HCFC1: variants seen among roughly 807,000 people sequenced by gnomAD.
HCFC1 encodes host cell factor 1.
In HCFC1, 7 loss-of-function variants were observed where a neutral mutation model predicts 105.5. That is an observed-to-expected ratio of 0.07 (90% confidence interval 0.04 to 0.12). The LOEUF is 0.12. HCFC1 is among the 10% of genes least tolerant of loss of function. HCFC1 has a pLI of 1.00. For missense variants in HCFC1, 1,065 were observed against 1,823.6 expected (o/e 0.58, Z 7.58); for synonymous variants, 918 against 828.1 (o/e 1.11, Z -1.86).
At chrX:153,963,589 GC>G (rs782059948) in intron 3 of HCFC1, among the ~76,000 whole-genome samples, 156 bp from the exon 4 acceptor site, 5 of 112,258 alleles carry the variant, frequency 4.5e-5, no homozygotes, top group Non-Finnish European at 9.4e-5. Context: ...GGAAGGGGCT[GC>G]CAGAAGCTCC....
chrX:153,956,866 G>A, intron 14 of HCFC1, 52 bp downstream of exon 14: 1 of 1,205,127 alleles, frequency 8.3e-7, no homozygotes, highest in Non-Finnish European at 1.1e-6. Context: ...GTGGCGTGCT[G>A]GGGTGGACTG....
rs3027881 is a variant in HCFC1 at position 153,953,975 on chromosome X, G to A, written c.4333+91C>T. Reference sequence around the variant, plus strand: ...TGGGTGCCAAGGAGCCTGACTGGTGGACTCTGGACGGACCCCCGCCATCGT... The same window carrying A: ...TGGGTGCCAAGGAGCCTGACTGGTGAACTCTGGACGGACCCCCGCCATCGT... On this transcript the variant is annotated intron_variant, in intron 17 of 25. Transcript: ENST00000310441. The A allele has an allele frequency of 0.069, 71,074 of 1,033,074 alleles. 1,979 individuals are homozygous for A. Among genetic ancestry groups the A allele is most frequent in the Middle Eastern group, 0.11 (294 of 2,609 alleles). 85.1% of individuals were successfully genotyped at this position (1,033,074 alleles called of 1,213,427 possible).
rs2065343687 is a variant in HCFC1, at chrX:153,954,106, G to A, written c.4293C>T (p.His1431=). ...PCETHETGTT[H]TATTVTSNMS... ...TGTTGGAAGTGACAGTGGTGGCCGT[G>A]TGAGTGGTGCCCGTCTCGTGGGTCT... Residue 1431 remains histidine (H), a synonymous_variant, in exon 17 of 26, where the codon CAC becomes CAT. Transcript: ENST00000310441. 4.1e-6 allele frequency: 5 copies of A among 1,209,275 alleles called. No individual in the cohort carries two copies. The East Asian group carries it at 1.5e-4, about 36-fold the overall frequency.
intron 1 of HCFC1, among the ~76,000 whole-genome samples, chrX:153,970,315 T>C (rs1279018022): frequency 1.9e-5 from 2 of 107,923 alleles, no homozygotes; most frequent in Non-Finnish European, 1.9e-5. Context: ...GGCTTTCTTT[T>C]AACTAACGAA....
intron 6 of HCFC1, 151 bp downstream of exon 6, chrX:153,961,391 A>G (rs1487704110): frequency 5.3e-5 from 23 of 434,740 alleles, no homozygotes; most frequent in Non-Finnish European, 8.8e-5. Context: ...ACATTGCTTC[A>G]GAGAGCTCTG....
At position 153,951,893 on chromosome X, in the gene HCFC1, C is replaced by T. The variant is rs782289112; in HGVS notation, c.5208G>A (p.Leu1736=). 6 of 1,193,391 alleles carry T rather than the reference C, an allele frequency of 5.0e-6. No homozygotes were observed. Among genetic ancestry groups the T allele is most frequent in the Non-Finnish European group, 6.8e-6 (6 of 884,929 alleles). ...CCACAGTGCTGGGGACCGTGCCGGCCAGCTCATTGAGGCAATTGCTCTCAA... is the reference window on the plus strand; with the variant it reads ...CCACAGTGCTGGGGACCGTGCCGGCTAGCTCATTGAGGCAATTGCTCTCAA... ...PAIESNCLNE[L]AGTVPSTVAL... is the part of the protein sequence containing the mutation. The change falls in exon 20 of 26, where the codon CTG becomes CTA. Residue 1736 remains leucine, a synonymous_variant. Transcript: ENST00000310441.
rs782195901 is a variant in HCFC1, at chrX:153,952,770, G to A, written c.4686C>T (p.Ala1562=). The part of the protein sequence containing the change: ...TGEPSSGQES[A]GSAVVATVVV... ...CCACAGTGGCCACCACCGCAGAGCC[G>A]GCAGACTCCTGGCCCGAAGATGGCT... The change falls in exon 19 of 26, where the codon GCC becomes GCT. Residue 1562 remains alanine, a synonymous_variant. Coordinates refer to ENST00000310441, the MANE Select transcript of HCFC1 (RefSeq NM_005334.3). 46 of 1,207,413 alleles carry A rather than the reference G, an allele frequency of 3.8e-5. No individual in the cohort carries two copies. The East Asian group carries it at 9.2e-4, about 24-fold the overall frequency.
chrX:153,956,082 A>C (rs1409791948), intron 16 of HCFC1, 109 bp downstream of exon 16: 1 of 718,437 alleles, frequency 1.4e-6, no homozygotes, highest in East Asian at 3.3e-5. Context: ...TGCACCCGGC[A>C]GCAGCGCAAC....
intron 24 of HCFC1, 129 bp downstream of exon 24, chrX:153,950,114 G>T: frequency 1.4e-6 from 1 of 709,041 alleles, no homozygotes; most frequent in African/African-American, 2.2e-5. Context: ...GTGGGGGGCT[G>T]TGTGCGCGCC....
At chrX:153,953,475 CT>C in intron 18 of HCFC1, 131 bp downstream of exon 18, 1 of 660,161 alleles carries the variant, frequency 1.5e-6, no homozygotes, top group Non-Finnish European at 2.3e-6. Context: ...CGAGGCTGCC[CT>C]TTTATGGTCC....
chrX:153,963,157 C>G (rs1285197781), intron 4 of HCFC1, 68 bp downstream of exon 4: 1 of 850,640 alleles, frequency 1.2e-6, no homozygotes, highest in Non-Finnish European at 1.7e-6. Context: ...ACAGCGCCAC[C>G]CACGGGGCCA....
chrX:153,953,517 G>A, intron 18 of HCFC1, 90 bp downstream of exon 18: 1 of 965,053 alleles, frequency 1.0e-6, no homozygotes. Context: ...CCCCATGCCT[G>A]GTACAAGAGC....
At chrX:153,965,526 G>A (rs1314307383) in intron 1 of HCFC1, among the ~76,000 whole-genome samples, 5 of 112,787 alleles carry the variant, frequency 4.4e-5, no homozygotes, top group Non-Finnish European at 9.4e-5. Context: ...GGGCTTCCCC[G>A]AAAACCTCCT....
intron 1 of HCFC1, 84 bp downstream of exon 1, chrX:153,970,564 G>C (rs2065521631): frequency 1.5e-6 from 1 of 659,649 alleles, no homozygotes. Context: ...GGAGGGAGCA[G>C]ATGGAGGGAG....
chrX:153,959,581 C>A, intron 8 of HCFC1, 90 bp from the exon 9 acceptor site: 1 of 1,085,200 alleles, frequency 9.2e-7, no homozygotes. Flanking sequence ...CTTCTGTTGG[C>A]CTGCTTGTGT....
At position 153,948,727 on chromosome X, in the gene HCFC1, T is replaced by TCTTTTTC. The variant is rs2065280023; in HGVS notation, c.*613_*619dup. 2 of 112,389 alleles carry TCTTTTTC rather than the reference T, an allele frequency of 1.8e-5. No homozygotes were observed. The highest frequency in any genetic ancestry group is 6.5e-5 in the African/African-American group (2 of 30,896). The allele number at this position is 112,389 out of a possible 1,213,427, so 9.3% of individuals were successfully genotyped here. The stretch of plus-strand genomic sequence containing the variant: ...GCCGCGGGGCTCCTTGCCCCTTTTT[T>TCTTTTTC]CTTTTTCCTTCTTTTCTTTTTTAAA... On this transcript the variant is annotated 3_prime_UTR_variant, in exon 26 of 26. Coordinates refer to ENST00000310441, the MANE Select transcript of HCFC1 (RefSeq NM_005334.3).
In HCFC1 at chrX:153,956,729, G is replaced by C; in HGVS notation, c.2531C>G (p.Thr844Ser). Residue 844 changes from threonine to serine, a missense_variant, in exon 15 of 26, where the codon ACC (threonine) becomes AGC (serine). By Grantham distance (58) the Thr-to-Ser change is moderately conservative. This residue lies in a region of HCFC1 where 137 missense variants were observed against 378.2 expected (regional missense o/e 0.36). Coordinates refer to ENST00000310441, the MANE Select transcript of HCFC1 (RefSeq NM_005334.3). Reference sequence around the variant, plus strand: ...CCCCATGGGCACAGTGCGGAGGATGGTGCCTGGCTGTCCCGGGGCCCCCTT... The same window carrying C: ...CCCCATGGGCACAGTGCGGAGGATGCTGCCTGGCTGTCCCGGGGCCCCCTT... Reference protein sequence around the residue: ...VLKGAPGQPGTILRTVPMGGV... With the variant: ...VLKGAPGQPGSILRTVPMGGV... The C allele has an allele frequency of 8.3e-7, 1 of 1,211,379 alleles. No homozygotes were observed. Among genetic ancestry groups the C allele is most frequent in the Non-Finnish European group, 1.1e-6 (1 of 895,509 alleles).
rs1211284142 is a variant in HCFC1 at position 153,948,384 on chromosome X, AGG to A, written c.*961_*962del. 6.2e-5 allele frequency: 7 copies of A among 112,446 alleles called. No individual in the cohort carries two copies. Among genetic ancestry groups the A allele is most frequent in the Admixed American group, 9.4e-5 (1 of 10,652 alleles). 9.3% of individuals were successfully genotyped at this position (112,446 alleles called of 1,213,427 possible). On this transcript the variant is annotated 3_prime_UTR_variant, in exon 26 of 26. Transcript: ENST00000310441. ...GAAGTTGGGCTGGGTGGCAAACAGC[AGG>A]CCCCTCGTGGCAGATTTCACACCTC...
intron 25 of HCFC1, 64 bp from the exon 26 acceptor site, chrX:153,949,450 G>C: frequency 4.5e-6 from 5 of 1,106,881 alleles, no homozygotes; most frequent in South Asian, 1.9e-5. Context: ...AGGCCCTGCT[G>C]GTGCAGGGCC....
Sources: gnomAD v4.1 joint callset for allele counts (sites outside exome capture counted in the v4.1 genomes callset) on GRCh38, gnomAD v4.1.1 for gene constraint, gnomAD v4.1.1 regional missense constraint, MANE v1.5 for transcripts, NCBI Gene and HGNC (gene_info 2026-07-23, HGNC 2026-07-21) for gene names.